ZMIZ1: variants seen among roughly 807,000 people sequenced by gnomAD.
The protein encoded by ZMIZ1 is zinc finger MIZ-type containing 1.
Under a neutral mutation model 113.9 loss-of-function variants are expected in ZMIZ1, and 17 were observed. That is an observed-to-expected ratio of 0.15 (90% CI 0.10 to 0.22). The LOEUF (loss-of-function observed/expected upper bound fraction) is 0.22, where lower values mean the gene tolerates loss of function less well. Among genes scored for constraint, ZMIZ1 ranks in the 10% least tolerant of loss-of-function variants. ZMIZ1 has a pLI of 1.00. For synonymous variants in ZMIZ1, 607 were observed against 603.1 expected (o/e 1.01, Z -0.09); for missense variants, 1,059 against 1,477.8 (o/e 0.72, Z 4.65).
At chr10:79,240,250 CAGAG>C (rs1849762583) in intron 7 of ZMIZ1, among the ~76,000 whole-genome samples, 1 of 152,258 alleles carries the variant, frequency 6.6e-6, no homozygotes, top group South Asian at 2.1e-4. Context: ...CGAGGTCACT[CAGAG>C]AGCTCACCAA....
chr10:79,279,990 TAC>T (rs1287546099), intron 8 of ZMIZ1, among the ~76,000 whole-genome samples: 56 of 133,792 alleles, frequency 4.2e-4, no homozygotes, highest in Non-Finnish European at 8.2e-4. Flanking sequence ...GTATTATTAT[TAC>T]TTTTTTTTTT....
rs146202101 is a variant in ZMIZ1 at position 79,127,187 on chromosome 10, T to A, written c.-227+8163T>A. Among the ~76,000 whole-genome samples, 1,075 of 152,318 alleles carry A rather than the reference T, an allele frequency of 7.1e-3. 10 individuals are homozygous for A. Among genetic ancestry groups the A allele is most frequent in the African/African-American group, 0.024 (1,005 of 41,562 alleles). On this transcript the variant is annotated intron_variant, in intron 2 of 24. Coordinates refer to ENST00000334512, the MANE Select transcript of ZMIZ1 (RefSeq NM_020338.4). ...ATACCCTGATGCAGAGGAAATGCCATGCCAGTGCCAGGCATGCTGCCGGCG... is the reference window on the plus strand; with the variant it reads ...ATACCCTGATGCAGAGGAAATGCCAAGCCAGTGCCAGGCATGCTGCCGGCG...
At chr10:79,257,450 G>A (rs1850986860) in intron 7 of ZMIZ1, among the ~76,000 whole-genome samples, 1 of 152,254 alleles carries the variant, frequency 6.6e-6, no homozygotes, top group African/African-American at 2.4e-5. Flanking sequence ...CAGAAACTCT[G>A]TTGGCTGCCC....
chr10:79,275,287 C>T (rs1367289339), intron 7 of ZMIZ1, among the ~76,000 whole-genome samples: 1 of 152,202 alleles, frequency 6.6e-6, no homozygotes, highest in Non-Finnish European at 1.5e-5. Context: ...CTCATACTGT[C>T]CTCCTTTTGA....
chr10:79,112,810 T>C (rs1229137952), intron 1 of ZMIZ1, among the ~76,000 whole-genome samples: 1 of 152,238 alleles, frequency 6.6e-6, no homozygotes, highest in Non-Finnish European at 1.5e-5. Context: ...TTTATATCTT[T>C]CACAACTTAG....
chr10:79,195,818 C>T (rs897818026), intron 4 of ZMIZ1, among the ~76,000 whole-genome samples: 5 of 152,218 alleles, frequency 3.3e-5, no homozygotes, highest in Non-Finnish European at 7.3e-5. Flanking sequence ...ACATTAACAG[C>T]TGGAAAGGTA....
intron 1 of ZMIZ1, among the ~76,000 whole-genome samples, chr10:79,107,969 C>T (rs973564399): frequency 2.9e-4 from 44 of 152,276 alleles, no homozygotes; most frequent in Non-Finnish European, 5.0e-4. Flanking sequence ...CACCTTCTTT[C>T]TGCCTGCCTG....
chr10:79,202,978 G>A (rs556097364), intron 5 of ZMIZ1, among the ~76,000 whole-genome samples: 19 of 152,230 alleles, frequency 1.2e-4, no homozygotes, highest in Non-Finnish European at 2.2e-4. Flanking sequence ...AGGATGTTGT[G>A]GGTGATGCAC....
rs1179588087 is a variant in ZMIZ1, at chr10:79,292,214, C to T, written c.815C>T (p.Pro272Leu). 8.1e-6 allele frequency: 13 copies of T among 1,612,172 alleles called. No homozygotes were observed. The highest frequency in any genetic ancestry group is 1.0e-5 in the Non-Finnish European group (12 of 1,179,666). ...ATGGGCATCCCTCCGCACACCAGGC[C>T]GCCTGCTGACTTCACTCAGCCCGCG... Reference protein sequence around the residue: ...AGMGIPPHTRPPADFTQPAAA... With the variant: ...AGMGIPPHTRLPADFTQPAAA... Residue 272 changes from proline to leucine, a missense_variant, in exon 11 of 25, where the codon CCG becomes CTG. This residue lies in a region of ZMIZ1 where 23 missense variants were observed against 73.3 expected (regional missense o/e 0.31). Transcript: ENST00000334512.
chr10:79,304,539 C>A (rs1564603325), intron 19 of ZMIZ1, among the ~76,000 whole-genome samples: 1 of 152,222 alleles, frequency 6.6e-6, no homozygotes. Flanking sequence ...CAGGAAGTAG[C>A]CCTGGCGTGA....
chr10:79,216,457 G>C (rs1487227574), intron 7 of ZMIZ1, 183 bp downstream of exon 7: 3 of 514,910 alleles, frequency 5.8e-6, no homozygotes, highest in African/African-American at 2.0e-5. Context: ...CTGTCCTCGT[G>C]CCTCTCCCAG....
chr10:79,107,044 C>T (rs1025376801), intron 1 of ZMIZ1, among the ~76,000 whole-genome samples: 10 of 152,380 alleles, frequency 6.6e-5, no homozygotes, highest in African/African-American at 2.4e-4. Context: ...GCCTTTGCAT[C>T]TGGCCAGGGG....
chr10:79,130,712 C>T (rs987747630), intron 2 of ZMIZ1, among the ~76,000 whole-genome samples: 5 of 152,258 alleles, frequency 3.3e-5, no homozygotes, highest in African/African-American at 7.2e-5. Flanking sequence ...CTTAACCTCT[C>T]GGTGCTTCAA....
intron 2 of ZMIZ1, among the ~76,000 whole-genome samples, chr10:79,119,283 G>A (rs918383978): frequency 6.6e-6 from 1 of 152,272 alleles, no homozygotes; most frequent in Admixed American, 6.5e-5. Context: ...TATCGCCTTG[G>A]GTAGCCCTTT....
chr10:79,205,750 C>T (rs956297852), intron 5 of ZMIZ1, among the ~76,000 whole-genome samples: 1 of 152,124 alleles, frequency 6.6e-6, no homozygotes, highest in Non-Finnish European at 1.5e-5. Context: ...CTGTGCACTT[C>T]AGTCACCTCT....
intron 1 of ZMIZ1, among the ~76,000 whole-genome samples, chr10:79,111,518 G>A (rs1425503751): frequency 6.6e-6 from 1 of 152,204 alleles, no homozygotes; most frequent in African/African-American, 2.4e-5. Flanking sequence ...GTGGGGTGAA[G>A]CAGATGGCCA....
intron 7 of ZMIZ1, among the ~76,000 whole-genome samples, chr10:79,246,758 A>G (rs1011523114): frequency 2.6e-5 from 4 of 152,132 alleles, no homozygotes; most frequent in African/African-American, 9.7e-5. Context: ...GAGCCTGCAA[A>G]GGGAAAAACA....
intron 1 of ZMIZ1, among the ~76,000 whole-genome samples, chr10:79,108,307 G>A (rs369514052): frequency 6.6e-6 from 1 of 152,174 alleles, no homozygotes; most frequent in East Asian, 1.9e-4. Flanking sequence ...AAGGGGTGGT[G>A]GGACTCATCC....
intron 7 of ZMIZ1, among the ~76,000 whole-genome samples, chr10:79,266,316 G>T (rs1819141762): frequency 6.6e-6 from 1 of 152,214 alleles, no homozygotes; most frequent in African/African-American, 2.4e-5. Context: ...TGAAAGTGGG[G>T]CCTTCGCGTA....
Sources: allele counts gnomAD v4.1 joint callset (sites outside exome capture counted in the v4.1 genomes callset), GRCh38; gene constraint gnomAD v4.1.1; regional missense constraint gnomAD v4.1.1; transcripts MANE v1.5; gene names NCBI Gene and HGNC (gene_info 2026-07-23, HGNC 2026-07-21).